CBFB: variants seen among roughly 807,000 people sequenced by gnomAD.
The protein encoded by CBFB is CBF-beta.
CBFB carries 9 observed loss-of-function variants against 30.4 expected under a neutral mutation model. The ratio of observed to expected loss-of-function variants is 0.30; its 90% confidence interval spans 0.18 to 0.52. The LOEUF (loss-of-function observed/expected upper bound fraction) is 0.52. Ranked by LOEUF, CBFB falls within the 20% of genes least tolerant of loss-of-function variation. The probability of loss-of-function intolerance (pLI) is 0.97; values close to 1 mark genes in which losing one functional copy is unlikely to be tolerated. For synonymous variants in CBFB, 94 were observed against 84.0 expected, an observed-to-expected ratio of 1.12 and a Z score of -0.65; for missense variants, 170 against 244.0, an observed-to-expected ratio of 0.70 and a Z score of 2.02.
intron 5 of CBFB, among the ~76,000 whole-genome samples, chr16:67,090,474 T>A (rs1416886539): frequency 1.3e-5 from 2 of 152,198 alleles, no homozygotes; most frequent in Non-Finnish European, 2.9e-5. Flanking sequence ...CTATAACTAA[T>A]TCAAATGTCT....
At chr16:67,094,901 A>G (rs1045044381) in intron 5 of CBFB, among the ~76,000 whole-genome samples, 4 of 152,204 alleles carry the variant, frequency 2.6e-5, no homozygotes, top group African/African-American at 9.7e-5. Flanking sequence ...CAGTTAAAAC[A>G]TGCTAGAGAA....
chr16:67,043,583 C>T (rs1966569973), intron 3 of CBFB, among the ~76,000 whole-genome samples: 1 of 152,154 alleles, frequency 6.6e-6, no homozygotes, highest in African/African-American at 2.4e-5. Flanking sequence ...GGATCTTTCT[C>T]AGAAATGATT....
chr16:67,093,833 G>A (rs951590136), intron 5 of CBFB, among the ~76,000 whole-genome samples: 4 of 152,148 alleles, frequency 2.6e-5, no homozygotes, highest in Non-Finnish European at 5.9e-5. Flanking sequence ...ATGGAGTTCA[G>A]AGTTTCTTTG....
At chr16:67,085,698 G>C (rs1162787931) in intron 5 of CBFB, among the ~76,000 whole-genome samples, 1 of 119,246 alleles carries the variant, frequency 8.4e-6, no homozygotes, top group Non-Finnish European at 1.7e-5. Flanking sequence ...TTTTTTTTGA[G>C]ACGGAGTCTC....
intron 2 of CBFB, chr16:67,036,417 T>C (rs556883726): frequency 2.1e-6 from 1 of 471,170 alleles, no homozygotes; most frequent in South Asian, 4.2e-5. Context: ...ATTCCATGTC[T>C]GATTTTATAC....
chr16:67,095,691 T>G (rs1387760117), intron 5 of CBFB, among the ~76,000 whole-genome samples: 2 of 98,382 alleles, frequency 2.0e-5, no homozygotes, highest in Non-Finnish European at 2.3e-5. Flanking sequence ...ACCTCATCTG[T>G]TTTTTTTTTT....
intron 2 of CBFB, 49 bp downstream of exon 2, chr16:67,029,862 C>CGCGGCGGCCCAGGCCGGTTCCGG: frequency 2.8e-6 from 4 of 1,408,174 alleles, no homozygotes; most frequent in Non-Finnish European, 2.9e-6. Flanking sequence ...TGCGCGGGGC[C>CGCGGCGGCCCAGGCCGGTTCCGG]GCGGCGGCCC....
chr16:67,081,216 GAA>G (rs1567621457), intron 4 of CBFB, among the ~76,000 whole-genome samples: 1 of 145,402 alleles, frequency 6.9e-6, no homozygotes, highest in African/African-American at 2.6e-5. Flanking sequence ...CTATGAGTGA[GAA>G]TATGCAGTGT....
intron 3 of CBFB, among the ~76,000 whole-genome samples, chr16:67,066,160 G>C (rs1172825567): frequency 6.6e-6 from 1 of 152,026 alleles, no homozygotes; most frequent in African/African-American, 2.4e-5. Context: ...GATCCTGCAT[G>C]CTCCAGGAAC....
chr16:67,041,768 CTTTTT>C (rs140180530), intron 3 of CBFB, among the ~76,000 whole-genome samples: 5 of 98,900 alleles, frequency 5.1e-5, no homozygotes, highest in Non-Finnish European at 8.3e-5. Context: ...TGTTTCTTTA[CTTTTT>C]TTTTTTTTTT....
chr16:67,095,210 C>CAAAAAA (rs71145959), intron 5 of CBFB, among the ~76,000 whole-genome samples: 1 of 27,070 alleles, frequency 3.7e-5, no homozygotes, highest in Non-Finnish European at 7.2e-5. Context: ...AAGTGTGTCT[C>CAAAAAA]AAAAAAAAAA....
chr16:67,065,922 C>T (rs1479947780), intron 3 of CBFB, among the ~76,000 whole-genome samples: 1 of 151,996 alleles, frequency 6.6e-6, no homozygotes, highest in East Asian at 1.9e-4. Flanking sequence ...TCATAAGTCC[C>T]ATATAAAGGA....
At chr16:67,053,725 C>G (rs1280568286) in intron 3 of CBFB, among the ~76,000 whole-genome samples, 1 of 152,024 alleles carries the variant, frequency 6.6e-6, no homozygotes, top group Non-Finnish European at 1.5e-5. Flanking sequence ...GTTAGGGCAT[C>G]TGGCACACTG....
chr16:67,029,838 C>T (rs772075139), intron 2 of CBFB, 25 bp downstream of exon 2: 6 of 1,555,576 alleles, frequency 3.9e-6, no homozygotes, highest in East Asian at 2.5e-5. Context: ...CCGGGGCGCG[C>T]GCGGGTCACT....
intron 3 of CBFB, among the ~76,000 whole-genome samples, chr16:67,064,571 A>T (rs1027358085): frequency 7.2e-5 from 11 of 152,204 alleles, no homozygotes; most frequent in Non-Finnish European, 1.3e-4. Flanking sequence ...GATTGTAGAA[A>T]CTGTAATAAA....
At chr16:67,043,370 T>C (rs189211407) in intron 3 of CBFB, among the ~76,000 whole-genome samples, 74 of 152,362 alleles carry the variant, frequency 4.9e-4, no homozygotes, top group Admixed American at 4.1e-3. Context: ...AATTAGTCCT[T>C]TTATTCATTC....
chr16:67,064,396 G>C lies in CBFB; in HGVS notation c.283-2286G>C, dbSNP rs1347389496. ...TAATTTTTGTATTTTTAGTAGAGAC[G>C]GGGTTTCACTTTGTTGTCCAGGCTG... is the stretch of plus-strand genomic sequence containing the variant. On this transcript the variant is annotated intron_variant, in intron 3 of 5. Transcript: ENST00000412916. Among the ~76,000 whole-genome samples, 18 of 152,182 alleles carry C rather than the reference G, an allele frequency of 1.2e-4. No homozygotes were observed. The East Asian group carries it at 3.5e-3, about 29-fold the overall frequency.
At chr16:67,079,402 A>G (rs1961492875) in intron 4 of CBFB, among the ~76,000 whole-genome samples, 1 of 151,780 alleles carries the variant, frequency 6.6e-6, no homozygotes, top group Admixed American at 6.6e-5. Context: ...GTATTAGAAA[A>G]CCCCACTGAC....
At chr16:67,095,350 G>C (rs917640507) in intron 5 of CBFB, among the ~76,000 whole-genome samples, 1 of 151,764 alleles carries the variant, frequency 6.6e-6, no homozygotes, top group Non-Finnish European at 1.5e-5. Flanking sequence ...AACCCCGTCT[G>C]TACTAAAATA....
Sources: allele counts gnomAD v4.1 joint callset (sites outside exome capture counted in the v4.1 genomes callset), GRCh38; gene constraint gnomAD v4.1.1; transcripts MANE v1.5; gene names NCBI Gene and HGNC (gene_info 2026-07-23, HGNC 2026-07-21).